TARBP1: variants seen among roughly 807,000 people sequenced by gnomAD.
TARBP1 encodes the protein tRNA (guanosine(18)-2'-O)-methyltransferase TARBP1.
A neutral mutation model predicts 178.6 loss-of-function variants in TARBP1; 144 were observed. The observed-to-expected ratio is 0.81, with a 90% CI of 0.70 to 0.93. TARBP1 has a LOEUF of 0.93. TARBP1 is among the 40% of genes least tolerant of loss of function. The pLI is 0.00. For missense variants in TARBP1, 2,067 were observed against 2,011.7 expected (o/e 1.03, Z -0.53); for synonymous variants, 787 against 781.0 (o/e 1.01, Z -0.13).
chr1:234,478,468 GC>G lies in TARBP1; in HGVS notation c.635del (p.Gly212AlafsTer15). On this transcript the variant is annotated frameshift_variant, in exon 1 of 30. Coordinates refer to ENST00000040877, the MANE Select transcript of TARBP1 (RefSeq NM_005646.4). LOFTEE classifies it high-confidence loss of function. ...GGGACGCCCCAGGCGCGGCCAGCCC[GC>G]CCCACACGGCCCGCAGCGCCGCCCC... is the stretch of plus-strand genomic sequence containing the variant. ...CGGAALRAVW[G>X]GLAAPGASLG... The G allele has an allele frequency of 1.4e-6, 2 of 1,379,640 alleles. No individual in the cohort carries two copies. The highest frequency in any genetic ancestry group is 1.5e-5 in the South Asian group (1 of 67,924). 85.5% of individuals were successfully genotyped at this position (1,379,640 alleles called of 1,614,324 possible).
chr1:234,399,812 A>C (rs1660493122), intron 25 of TARBP1, among the ~76,000 whole-genome samples: 2 of 147,318 alleles, frequency 1.4e-5, no homozygotes, highest in South Asian at 2.1e-4. Flanking sequence ...GCATATTCTC[A>C]CTCATAGGTG....
At chr1:234,396,775 GA>G (rs904268416) in intron 26 of TARBP1, among the ~76,000 whole-genome samples, 7 of 148,006 alleles carry the variant, frequency 4.7e-5, no homozygotes, top group African/African-American at 9.9e-5. Context: ...TAAAAAAAAA[GA>G]AAAAAAAAAT....
chr1:234,435,314 T>TAAAATAC (rs1553289439), intron 13 of TARBP1, among the ~76,000 whole-genome samples: 1 of 150,834 alleles, frequency 6.6e-6, no homozygotes, highest in East Asian at 2.0e-4. Flanking sequence ...AAAAATCTAC[T>TAAAATAC]AAAAATACAA....
At chr1:234,419,188 A>AAAAAT (rs201805464) in intron 21 of TARBP1, among the ~76,000 whole-genome samples, 4 of 152,046 alleles carry the variant, frequency 2.6e-5, no homozygotes, top group East Asian at 1.9e-4. Flanking sequence ...AAATAAAAAT[A>AAAAAT]AAAATAAAAT....
rs140175730 is a variant in TARBP1, at chr1:234,432,443, A to C, written c.2394+967T>G. Among the ~76,000 whole-genome samples, 1,151 of 151,886 alleles carry C rather than the reference A, an allele frequency of 7.6e-3. 12 individuals are homozygous for C. Among genetic ancestry groups the C allele is most frequent in the African/African-American group, 0.025 (1,047 of 41,456 alleles). On this transcript the variant is annotated intron_variant, in intron 14 of 29. Coordinates refer to ENST00000040877, the MANE Select transcript of TARBP1 (RefSeq NM_005646.4). ...GTGACAGAGCGAGACTCTGTTCAAAAATATATATATATAGGAAAAGATATA... is the reference window on the plus strand; with the variant it reads ...GTGACAGAGCGAGACTCTGTTCAAACATATATATATATAGGAAAAGATATA...
At chr1:234,395,844 G>C (rs1659884484) in intron 26 of TARBP1, among the ~76,000 whole-genome samples, 2 of 152,102 alleles carry the variant, frequency 1.3e-5, no homozygotes, top group South Asian at 4.1e-4. Flanking sequence ...ATAAGCTCTT[G>C]TGTTCTAGTA....
chr1:234,465,723 A>G lies in TARBP1; in HGVS notation c.1249-15T>C. The G allele has an allele frequency of 1.3e-6, 2 of 1,563,326 alleles. No individual in the cohort carries two copies. The highest frequency in any genetic ancestry group is 2.1e-5 in the Admixed American group (1 of 48,206). On this transcript the variant is annotated splice_polypyrimidine_tract_variant and intron_variant, in intron 4 of 29. Coordinates refer to ENST00000040877, the MANE Select transcript of TARBP1 (RefSeq NM_005646.4). Reference sequence around the variant, plus strand: ...CCAATAATAAACTAAAAAAAAAAAAAAAAAAAGACACGTAATTGAAACTTA... The same window carrying G: ...CCAATAATAAACTAAAAAAAAAAAAGAAAAAAGACACGTAATTGAAACTTA...
intron 15 of TARBP1, 84 bp downstream of exon 15, chr1:234,430,003 T>C: frequency 2.2e-6 from 3 of 1,344,014 alleles, no homozygotes; most frequent in South Asian, 1.4e-5. Context: ...CAAAATTCTA[T>C]AACTTTATAA....
In TARBP1 at chr1:234,465,723, A is replaced by T; in HGVS notation, c.1249-15T>A. On this transcript the variant is annotated splice_polypyrimidine_tract_variant and intron_variant, in intron 4 of 29. Coordinates refer to ENST00000040877, the MANE Select transcript of TARBP1 (RefSeq NM_005646.4). ...CCAATAATAAACTAAAAAAAAAAAAAAAAAAAGACACGTAATTGAAACTTA... is the reference window on the plus strand; with the variant it reads ...CCAATAATAAACTAAAAAAAAAAAATAAAAAAGACACGTAATTGAAACTTA... 6.4e-7 allele frequency: 1 copy of T among 1,563,332 alleles called. No homozygotes were observed. Among genetic ancestry groups the T allele is most frequent in the African/African-American group, 1.4e-5 (1 of 71,468 alleles).
At chr1:234,427,422 G>T in intron 18 of TARBP1, 34 bp from the exon 19 acceptor site, 1 of 1,546,088 alleles carries the variant, frequency 6.5e-7, no homozygotes, top group Non-Finnish European at 8.8e-7. Context: ...AAGAACAACA[G>T]GTTTTAAATA....
chr1:234,442,934 C>T (rs1665744283), intron 12 of TARBP1, among the ~76,000 whole-genome samples: 1 of 152,166 alleles, frequency 6.6e-6, no homozygotes, highest in African/African-American at 2.4e-5. Flanking sequence ...ACTGCCACAT[C>T]TCTGAATTTA....
chr1:234,420,841 T>G (rs1663000514), intron 20 of TARBP1, 29 bp from the exon 21 acceptor site: 3 of 1,260,996 alleles, frequency 2.4e-6, no homozygotes, highest in Non-Finnish European at 3.4e-6. Context: ...GGAGTCAACA[T>G]TAAATTATCT....
At chr1:234,391,792 T>C in intron 29 of TARBP1, 47 bp from the exon 30 acceptor site, 1 of 1,561,032 alleles carries the variant, frequency 6.4e-7, no homozygotes, top group South Asian at 1.2e-5. Context: ...TAACAAACAA[T>C]TTTTCTCTTT....
chr1:234,431,438 T>C (rs1459980524), intron 14 of TARBP1, among the ~76,000 whole-genome samples: 1 of 152,264 alleles, frequency 6.6e-6, no homozygotes, highest in Non-Finnish European at 1.5e-5. Flanking sequence ...AACAGACTAA[T>C]AGGTACTAGA....
intron 23 of TARBP1, chr1:234,406,408 T>C (rs927303887): frequency 7.6e-6 from 2 of 264,760 alleles, no homozygotes; most frequent in East Asian, 1.5e-4. Context: ...CTAACCATTA[T>C]ACAACCAAAA....
Position 234,391,391 on chromosome 1 carries a change from A to G in TARBP1, c.*186T>C. The G allele has an allele frequency of 4.5e-6, 2 of 448,304 alleles. No homozygotes were observed. The highest frequency in any genetic ancestry group is 1.7e-4 in the South Asian group (2 of 12,058). 27.8% of individuals were successfully genotyped at this position (448,304 alleles called of 1,614,324 possible). On this transcript the variant is annotated 3_prime_UTR_variant, in exon 30 of 30. Transcript: ENST00000040877. ...TTAAAGGAAGAATACAATTTAACAA[A>G]AAGTGTTTATTAAAGGGGAAAATAT... is the stretch of plus-strand genomic sequence containing the variant.
intron 2 of TARBP1, among the ~76,000 whole-genome samples, chr1:234,472,448 GTGATAC>G (rs1460301426): frequency 2.6e-5 from 4 of 151,926 alleles, no homozygotes; most frequent in Non-Finnish European, 4.4e-5. Flanking sequence ...AGCCATTTGG[GTGATAC>G]TGATACTGAT....
chr1:234,399,373 A>T (rs1207451491), intron 25 of TARBP1, among the ~76,000 whole-genome samples: 1 of 152,100 alleles, frequency 6.6e-6, no homozygotes, highest in African/African-American at 2.4e-5. Flanking sequence ...TGGCACAATG[A>T]TCACGACTAC....
At chr1:234,392,961 C>T (rs1171223796) in intron 28 of TARBP1, among the ~76,000 whole-genome samples, 3 of 152,034 alleles carry the variant, frequency 2.0e-5, no homozygotes, top group South Asian at 2.1e-4. Flanking sequence ...GCTTGTGATC[C>T]GCCCGCCTCG....
Sources: gnomAD v4.1 joint callset for allele counts (sites outside exome capture counted in the v4.1 genomes callset) on GRCh38, gnomAD v4.1.1 for gene constraint, MANE v1.5 for transcripts, NCBI Gene and HGNC (gene_info 2026-07-23, HGNC 2026-07-21) for gene names.